The following PIK3C2G variants were observed in gnomAD, a reference collection of about 807,000 sequenced individuals.
PIK3C2G encodes phosphatidylinositol 3-kinase C2 domain-containing subunit gamma.
PIK3C2G carries 168 observed loss-of-function variants against 181.1 expected under a neutral mutation model. The observed-to-expected ratio is 0.93, with a 90% CI of 0.82 to 1.05. The LOEUF is 1.05. Among genes scored for constraint, PIK3C2G ranks in the 50% least tolerant of loss-of-function variants. The pLI is 0.00. For missense variants in PIK3C2G, 1,869 were observed against 1,732.8 expected, an observed-to-expected ratio of 1.08 and a Z score of -1.40; for synonymous variants, 573 against 592.2, an observed-to-expected ratio of 0.97 and a Z score of 0.47.
At chr12:18,598,119 G>A (rs1195631827) in intron 30 of PIK3C2G, among the ~76,000 whole-genome samples, 3 of 152,090 alleles carry the variant, frequency 2.0e-5, no homozygotes, top group East Asian at 1.9e-4. Context: ...AGCTACCAAT[G>A]ACTTTCTTCA....
chr12:18,376,280 T>C (rs1056114116), intron 13 of PIK3C2G, among the ~76,000 whole-genome samples: 3 of 152,170 alleles, frequency 2.0e-5, no homozygotes, highest in South Asian at 4.1e-4. Context: ...ATGTGGGATA[T>C]GGAGTCAAGG....
At chr12:18,694,085 G>A in the PIK3C2G span, 1 of 1,179,102 alleles carries the variant, frequency 8.5e-7, no homozygotes, top group South Asian at 1.3e-5. Flanking sequence ...CACCCCTGAG[G>A]GGCTGTATCT....
chr12:18,662,080 A>G, the PIK3C2G span, among the ~76,000 whole-genome samples: 3 of 152,124 alleles, frequency 2.0e-5, no homozygotes, highest in Non-Finnish European at 2.9e-5. Context: ...AATCTTGAGT[A>G]CACATGGACA....
At chr12:18,603,564 T>C (rs1310583546) in intron 30 of PIK3C2G, among the ~76,000 whole-genome samples, 3 of 152,114 alleles carry the variant, frequency 2.0e-5, no homozygotes, top group South Asian at 2.1e-4. Context: ...CCTGAGCACA[T>C]TGTCATCAGG....
the PIK3C2G span, among the ~76,000 whole-genome samples, chr12:18,698,287 A>ATT: frequency 8.6e-5 from 13 of 150,826 alleles, no homozygotes; most frequent in Admixed American, 2.0e-4. Flanking sequence ...ATTCTATTCT[A>ATT]CTCCATTCCA....
intron 1 of PIK3C2G, among the ~76,000 whole-genome samples, chr12:18,265,341 T>G (rs1471765963): frequency 6.6e-6 from 1 of 152,176 alleles, no homozygotes. Flanking sequence ...AAAACAAATG[T>G]TTTTGTATGA....
chr12:18,611,475 A>C (rs1016338522), intron 31 of PIK3C2G, among the ~76,000 whole-genome samples: 2 of 152,110 alleles, frequency 1.3e-5, no homozygotes, highest in Non-Finnish European at 2.9e-5. Flanking sequence ...TCATGGCTTT[A>C]AACATTACTT....
intron 13 of PIK3C2G, among the ~76,000 whole-genome samples, chr12:18,376,979 A>G (rs1942490366): frequency 6.6e-6 from 1 of 152,212 alleles, no homozygotes; most frequent in Non-Finnish European, 1.5e-5. Flanking sequence ...AAATTATTCA[A>G]TCTCAGGAAT....
intron 1 of PIK3C2G, among the ~76,000 whole-genome samples, chr12:18,278,900 T>C (rs1039513513): frequency 9.2e-5 from 14 of 151,980 alleles, no homozygotes; most frequent in African/African-American, 3.4e-4. Context: ...CTGGAAGAGG[T>C]TGTGTTTTTA....
At chr12:18,533,468 T>TA (rs1943665649) in intron 24 of PIK3C2G, among the ~76,000 whole-genome samples, 1 of 152,154 alleles carries the variant, frequency 6.6e-6, no homozygotes, top group Non-Finnish European at 1.5e-5. Context: ...CTGTTATCTG[T>TA]ATGCCACAAC....
intron 5 of PIK3C2G, among the ~76,000 whole-genome samples, chr12:18,298,832 T>A (rs747528707): frequency 4.6e-5 from 7 of 151,876 alleles, no homozygotes; most frequent in Admixed American, 6.6e-5. Context: ...GTCCTCAACA[T>A]CTTTGTCAAA....
intron 18 of PIK3C2G, chr12:18,424,681 G>T: frequency 4.7e-6 from 1 of 210,930 alleles, no homozygotes; most frequent in Admixed American, 4.4e-5. Flanking sequence ...GTCAAAAGAT[G>T]CTATTCCTGA....
chr12:18,629,671 T>A (rs1949263325), intron 31 of PIK3C2G, among the ~76,000 whole-genome samples: 1 of 152,054 alleles, frequency 6.6e-6, no homozygotes, highest in Admixed American at 6.6e-5. Context: ...AGTTTAGAAG[T>A]GGAGCATTGA....
At chr12:18,692,850 T>C in the PIK3C2G span, 1 of 1,596,672 alleles carries the variant, frequency 6.3e-7, no homozygotes, top group Non-Finnish European at 8.6e-7. Flanking sequence ...GAAAAAGAAA[T>C]ATGAACCTCC....
At chr12:18,484,228 T>C (rs1374670) in intron 18 of PIK3C2G, among the ~76,000 whole-genome samples, 94,034 of 151,962 alleles carry the variant, frequency 0.62, 29,530 homozygotes, top group East Asian at 0.93. Context: ...GGAGAAAACA[T>C]GGAGCTGGGA....
chr12:18,693,914 C>T, the PIK3C2G span: 3 of 1,526,740 alleles, frequency 2.0e-6, no homozygotes, highest in Non-Finnish European at 1.8e-6. Context: ...TGATGTAACC[C>T]TGCACGACTT....
chr12:18,655,749 T>G, the PIK3C2G span, among the ~76,000 whole-genome samples: 1 of 36,910 alleles, frequency 2.7e-5, no homozygotes, highest in African/African-American at 8.1e-5. Context: ...AACCTTATCA[T>G]GAAAAAAAAA....
At chr12:18,305,890 A>AT (rs992929032) in intron 5 of PIK3C2G, among the ~76,000 whole-genome samples, 15 of 151,510 alleles carry the variant, frequency 9.9e-5, no homozygotes, top group African/African-American at 3.6e-4. Flanking sequence ...CTCAGTATAT[A>AT]TTTTTTGTGA....
chr12:18,692,670 T>A, the PIK3C2G span: 1 of 664,002 alleles, frequency 1.5e-6, no homozygotes, highest in South Asian at 1.8e-5. Context: ...AAATCATTTC[T>A]ACATTGAAAT....
Sources: gnomAD v4.1 joint callset for allele counts (sites outside exome capture counted in the v4.1 genomes callset) on GRCh38, gnomAD v4.1.1 for gene constraint, MANE v1.5 for transcripts, NCBI Gene and HGNC (gene_info 2026-07-23, HGNC 2026-07-21) for gene names.